Variants in FBXL7 observed in about 807,000 individuals in gnomAD.
The protein encoded by FBXL7 is F-box and leucine rich repeat protein 7, also known as F-box/LRR-repeat protein 7.
Under a neutral mutation model 38.3 loss-of-function variants are expected in FBXL7, and 12 were observed. The observed-to-expected ratio is 0.31, with a 90% CI of 0.20 to 0.51. The LOEUF (loss-of-function observed/expected upper bound fraction) is 0.51, where lower values mean the gene tolerates loss of function less well. Among genes scored for constraint, FBXL7 ranks in the 20% least tolerant of loss-of-function variants. FBXL7 has a pLI of 0.98. For synonymous variants in FBXL7, 297 were observed against 300.9 expected (o/e 0.99, Z 0.13); for missense variants, 567 against 676.4 (o/e 0.84, Z 1.79).
intron 2 of FBXL7, among the ~76,000 whole-genome samples, chr5:15,783,346 G>A (rs761086310): frequency 3.9e-5 from 6 of 152,184 alleles, no homozygotes; most frequent in Non-Finnish European, 8.8e-5. Flanking sequence ...AAATGAGAAG[G>A]TCCTGGGTGT....
At chr5:15,693,763 A>T (rs1388962868) in intron 2 of FBXL7, among the ~76,000 whole-genome samples, 3 of 152,118 alleles carry the variant, frequency 2.0e-5, no homozygotes, top group Non-Finnish European at 4.4e-5. Flanking sequence ...TGCTGAGGGA[A>T]ATTTGGCAGA....
intron 1 of FBXL7, among the ~76,000 whole-genome samples, chr5:15,574,041 A>G (rs925785075): frequency 6.6e-6 from 1 of 152,170 alleles, no homozygotes; most frequent in Non-Finnish European, 1.5e-5. Flanking sequence ...AAGACTTCTG[A>G]GTGGAATTCA....
chr5:15,935,119 A>G (rs1742142083), intron 3 of FBXL7: 1 of 531,914 alleles, frequency 1.9e-6, no homozygotes, highest in Non-Finnish European at 3.9e-6. Flanking sequence ...GTGTGCGGGA[A>G]ATGACAAGCA....
At chr5:15,919,222 C>A (rs927377164) in intron 2 of FBXL7, among the ~76,000 whole-genome samples, 7 of 152,006 alleles carry the variant, frequency 4.6e-5, no homozygotes, top group Non-Finnish European at 1.0e-4. Context: ...CTTTGAAAGG[C>A]CATTGTAATG....
intron 2 of FBXL7, among the ~76,000 whole-genome samples, chr5:15,854,988 G>A (rs1288254464): frequency 6.6e-6 from 1 of 152,114 alleles, no homozygotes; most frequent in Non-Finnish European, 1.5e-5. Context: ...CTGTTGTAAT[G>A]ATAAGACCAG....
At position 15,552,776 on chromosome 5, in the gene FBXL7, C is replaced by CCATAATGAT. The variant is rs374127942; in HGVS notation, c.37+52066_37+52074dup. 1.6e-3 allele frequency among the ~76,000 whole-genome samples: 249 copies of CCATAATGAT among 152,230 alleles called. 1 individual carries two copies. Among genetic ancestry groups the CCATAATGAT allele is most frequent in the African/African-American group, 5.8e-3 (243 of 41,554 alleles). On this transcript the variant is annotated intron_variant, in intron 1 of 3. Coordinates refer to ENST00000504595, the MANE Select transcript of FBXL7 (RefSeq NM_012304.5). Reference sequence around the variant, plus strand: ...CTCATCACCGATCTTAGGATAAGTACCATAATGATCAAAACAATCAATCCT... The same window carrying CCATAATGAT: ...CTCATCACCGATCTTAGGATAAGTACCATAATGATCATAATGATCAAAACAATCAATCCT...
At chr5:15,711,728 A>G (rs1388706834) in intron 2 of FBXL7, among the ~76,000 whole-genome samples, 1 of 152,210 alleles carries the variant, frequency 6.6e-6, no homozygotes, top group Non-Finnish European at 1.5e-5. Context: ...TATTGTGAAG[A>G]TCCTGAAAGA....
intron 1 of FBXL7, among the ~76,000 whole-genome samples, chr5:15,607,986 T>A (rs1740086779): frequency 6.6e-6 from 1 of 152,188 alleles, no homozygotes; most frequent in Non-Finnish European, 1.5e-5. Flanking sequence ...TGGCCCCTAA[T>A]GGGGGTTTAG....
chr5:15,884,780 C>G (rs1740607874), intron 2 of FBXL7, among the ~76,000 whole-genome samples: 1 of 152,090 alleles, frequency 6.6e-6, no homozygotes, highest in Non-Finnish European at 1.5e-5. Context: ...CACAGTAATC[C>G]TAACACATTC....
chr5:15,728,707 T>G (rs1275913256), intron 2 of FBXL7, among the ~76,000 whole-genome samples: 1 of 152,150 alleles, frequency 6.6e-6, no homozygotes, highest in African/African-American at 2.4e-5. Flanking sequence ...TGCTTCTACT[T>G]CTGTATATTT....
chr5:15,846,033 C>G (rs1381570254), intron 2 of FBXL7, among the ~76,000 whole-genome samples: 1 of 152,176 alleles, frequency 6.6e-6, no homozygotes, highest in Non-Finnish European at 1.5e-5. Context: ...TCTGCCTAGT[C>G]CAGTTCTCCA....
At chr5:15,703,992 A>G (rs996039115) in intron 2 of FBXL7, among the ~76,000 whole-genome samples, 1 of 152,148 alleles carries the variant, frequency 6.6e-6, no homozygotes, top group Non-Finnish European at 1.5e-5. Context: ...CTGCGTCCTT[A>G]GTAGAGGGCT....
At chr5:15,707,225 A>G (rs1384232030) in intron 2 of FBXL7, among the ~76,000 whole-genome samples, 2 of 142,658 alleles carry the variant, frequency 1.4e-5, no homozygotes, top group African/African-American at 5.2e-5. Flanking sequence ...TTATTAAGAA[A>G]GTAAAGGAAT....
At chr5:15,815,304 G>C (rs399259) in intron 2 of FBXL7, among the ~76,000 whole-genome samples, 81,144 of 152,038 alleles carry the variant, frequency 0.53, 22,900 homozygotes, top group Non-Finnish European at 0.64. Context: ...GTACAACTTT[G>C]AATAGAGTTT....
intron 2 of FBXL7, among the ~76,000 whole-genome samples, chr5:15,749,252 A>AC (rs1323860888): frequency 6.7e-6 from 1 of 148,696 alleles, no homozygotes; most frequent in Non-Finnish European, 1.5e-5. Flanking sequence ...CTCAAAAAAA[A>AC]AAAAAAAAAA....
At chr5:15,712,995 A>C (rs1458923255) in intron 2 of FBXL7, among the ~76,000 whole-genome samples, 1 of 152,204 alleles carries the variant, frequency 6.6e-6, no homozygotes, top group Non-Finnish European at 1.5e-5. Context: ...CTTGTGACCC[A>C]GCTACCTTGT....
intron 2 of FBXL7, among the ~76,000 whole-genome samples, chr5:15,859,086 C>T (rs975471470): frequency 6.6e-6 from 1 of 152,110 alleles, no homozygotes; most frequent in Non-Finnish European, 1.5e-5. Flanking sequence ...ATCAAAGAAG[C>T]CATCCAATTG....
At chr5:15,788,872 G>A (rs1007548641) in intron 2 of FBXL7, among the ~76,000 whole-genome samples, 47 of 124,384 alleles carry the variant, frequency 3.8e-4, no homozygotes, top group African/African-American at 1.5e-3. Context: ...TTTTTTTTTT[G>A]AAGGAGTCTT....
At chr5:15,664,325 A>T (rs951355863) in intron 2 of FBXL7, among the ~76,000 whole-genome samples, 7 of 152,140 alleles carry the variant, frequency 4.6e-5, no homozygotes, top group Non-Finnish European at 8.8e-5. Flanking sequence ...TCTACAATCT[A>T]TGTTACTCTG....
Sources: allele counts gnomAD v4.1 joint callset (sites outside exome capture counted in the v4.1 genomes callset), GRCh38; gene constraint gnomAD v4.1.1; transcripts MANE v1.5; gene names NCBI Gene and HGNC (gene_info 2026-07-23, HGNC 2026-07-21).